KBTBD2: variants seen among roughly 807,000 people sequenced by gnomAD.
KBTBD2 encodes kelch repeat and BTB domain containing 2.
In KBTBD2, 17 loss-of-function variants were observed where a neutral mutation model predicts 57.1. The observed-to-expected ratio is 0.30, with a 90% CI of 0.20 to 0.45. KBTBD2 has a LOEUF of 0.45. Among genes scored for constraint, KBTBD2 ranks in the 20% least tolerant of loss-of-function variants. KBTBD2 has a pLI of 1.00. For synonymous variants in KBTBD2, 267 were observed against 262.7 expected (o/e 1.02, Z -0.16); for missense variants, 515 against 750.6 (o/e 0.69, Z 3.67).
intron 2 of KBTBD2, among the ~76,000 whole-genome samples, chr7:32,875,685 T>C (rs1784296075): frequency 6.6e-6 from 1 of 152,210 alleles, no homozygotes; most frequent in Non-Finnish European, 1.5e-5. Context: ...ACTTCTTATA[T>C]TCATACCATG....
At chr7:32,890,498 A>T (rs1332949037) in intron 1 of KBTBD2, among the ~76,000 whole-genome samples, 1 of 152,214 alleles carries the variant, frequency 6.6e-6, no homozygotes, top group Admixed American at 6.5e-5. Context: ...TACAACTCAG[A>T]GGGAAGAGGG....
rs1447530669 is a variant in KBTBD2 at position 32,869,687 on chromosome 7, T to C, written c.1530A>G (p.Lys510=). 3 of 1,614,124 alleles carry C rather than the reference T, an allele frequency of 1.9e-6. No homozygotes were observed. Among genetic ancestry groups the C allele is most frequent in the Non-Finnish European group, 1.7e-6 (2 of 1,180,016 alleles). The stretch of plus-strand genomic sequence containing the variant: ...TCTTAGCAGGGATGTTGGCTGCCAT[T>C]TTCCACTCATTTTTATTCACATCAT... ...EIYDVNKNEW[K]MAANIPAKRY... The change falls in exon 4 of 4, where the codon AAA becomes AAG. Residue 510 remains lysine, a synonymous_variant. Coordinates refer to ENST00000304056, the MANE Select transcript of KBTBD2 (RefSeq NM_015483.3).
At chr7:32,881,399 T>C (rs1482458349) in intron 1 of KBTBD2, among the ~76,000 whole-genome samples, 1 of 152,182 alleles carries the variant, frequency 6.6e-6, no homozygotes, top group East Asian at 1.9e-4. Context: ...AACTGCCACC[T>C]CTTTTTTCAC....
chr7:32,890,445 A>T (rs1036452418), intron 1 of KBTBD2, among the ~76,000 whole-genome samples: 9 of 152,236 alleles, frequency 5.9e-5, no homozygotes, highest in African/African-American at 2.2e-4. Flanking sequence ...ATTCACAATT[A>T]CAAGAGATCT....
chr7:32,870,456 G>A lies in KBTBD2; in HGVS notation c.761C>T (p.Pro254Leu). 6.2e-7 allele frequency: 1 copy of A among 1,613,674 alleles called. No individual in the cohort carries two copies. The highest frequency in any genetic ancestry group is 8.5e-7 in the Non-Finnish European group (1 of 1,179,878). ...VVVQGLYKSM[P>L]KFFKPRLGMT... ...CCCAAGTCTTGGTTTGAAAAACTTG[G>A]GCATGGACTTATACAGACCTTGAAC... Residue 254 changes from proline (P) to leucine (L), a missense_variant, in exon 4 of 4, where the codon CCC becomes CTC. Transcript: ENST00000304056.
chr7:32,890,722 T>C (rs1301388300), intron 1 of KBTBD2, among the ~76,000 whole-genome samples: 3 of 152,212 alleles, frequency 2.0e-5, no homozygotes, highest in Non-Finnish European at 4.4e-5. Flanking sequence ...TTAAAGTTCA[T>C]TTTGTATTTT....
chr7:32,891,836 C>A, upstream of KBTBD2: 1 of 145,394 alleles, frequency 6.9e-6, no homozygotes, highest in South Asian at 1.8e-4. Context: ...GCCCGCCCGC[C>A]CGCGCCGCCT....
chr7:32,870,497 A>G lies in KBTBD2; in HGVS notation c.720T>C (p.Asn240=). The change falls in exon 4 of 4, where the codon AAT becomes AAC. Residue 240 remains asparagine, a synonymous_variant. Transcript: ENST00000304056. The part of the protein sequence containing the change: ...QRAWFQGLPP[N]DKSVVVQGLY... ...GACCTTGAACCACCACTGACTTATCATTGGGTGGCAGACCTTGAAACCAAG... is the reference window on the plus strand; with the variant it reads ...GACCTTGAACCACCACTGACTTATCGTTGGGTGGCAGACCTTGAAACCAAG... The G allele has an allele frequency of 1.9e-6, 3 of 1,614,014 alleles. No homozygotes were observed. The highest frequency in any genetic ancestry group is 2.5e-6 in the Non-Finnish European group (3 of 1,179,960).
chr7:32,871,393 C>A (rs557655143), intron 3 of KBTBD2, among the ~76,000 whole-genome samples: 1 of 152,110 alleles, frequency 6.6e-6, no homozygotes, highest in Non-Finnish European at 1.5e-5. Flanking sequence ...CAAAGCAACA[C>A]GAAATAGACT....
intron 3 of KBTBD2, among the ~76,000 whole-genome samples, chr7:32,871,549 A>T (rs1784179754): frequency 6.6e-6 from 1 of 152,212 alleles, no homozygotes; most frequent in Non-Finnish European, 1.5e-5. Flanking sequence ...GTGATTAACT[A>T]GAAACTGTTT....
intron 1 of KBTBD2, among the ~76,000 whole-genome samples, chr7:32,884,060 C>T (rs942053446): frequency 1.1e-4 from 16 of 152,016 alleles, no homozygotes; most frequent in African/African-American, 2.7e-4. Context: ...TACTCTTTAC[C>T]GTAAGAAAAA....
intron 1 of KBTBD2, among the ~76,000 whole-genome samples, chr7:32,886,621 T>G (rs1784587806): frequency 6.6e-6 from 1 of 152,232 alleles, no homozygotes. Flanking sequence ...AATCTCCCAC[T>G]GAAACCAAGA....
At chr7:32,878,843 T>C (rs1784379910) in intron 2 of KBTBD2, among the ~76,000 whole-genome samples, 1 of 152,156 alleles carries the variant, frequency 6.6e-6, no homozygotes, top group African/African-American at 2.4e-5. Context: ...AAGTTAAGCT[T>C]TATGTATTTG....
At chr7:32,891,509 T>A (rs895006438) in intron 1 of KBTBD2, 27 bp downstream of exon 1, 1 of 150,336 alleles carries the variant, frequency 6.7e-6, no homozygotes, top group African/African-American at 2.4e-5. Context: ...GCTCCCAGCC[T>A]GCCCGGCGCT....
At chr7:32,887,875 A>C (rs1784620237) in intron 1 of KBTBD2, among the ~76,000 whole-genome samples, 1 of 152,036 alleles carries the variant, frequency 6.6e-6, no homozygotes, top group Admixed American at 6.6e-5. Context: ...TAAAAGTACA[A>C]CTCTCTTCTC....
chr7:32,871,841 G>T (rs1784185956), intron 3 of KBTBD2, among the ~76,000 whole-genome samples: 1 of 110,906 alleles, frequency 9.0e-6, no homozygotes, highest in African/African-American at 5.1e-5. Flanking sequence ...AGGCTTCCAG[G>T]GCAACACAGT....
chr7:32,881,769 G>A (rs530641666), intron 1 of KBTBD2, among the ~76,000 whole-genome samples: 2 of 152,288 alleles, frequency 1.3e-5, no homozygotes, highest in South Asian at 2.1e-4. Context: ...AATGCAGCAA[G>A]GCATAGTGTT....
At chr7:32,885,000 GTGTA>G (rs1193048637) in intron 1 of KBTBD2, among the ~76,000 whole-genome samples, 7 of 65,736 alleles carry the variant, frequency 1.1e-4, no homozygotes, top group East Asian at 6.7e-4. Flanking sequence ...ACACATATAT[GTGTA>G]TATATATATA....
intron 3 of KBTBD2, among the ~76,000 whole-genome samples, chr7:32,872,058 G>A (rs1376036268): frequency 3.9e-5 from 6 of 152,134 alleles, no homozygotes; most frequent in Non-Finnish European, 7.3e-5. Flanking sequence ...AAAATTAGCT[G>A]GATGTGCTGG....
Sources: allele counts gnomAD v4.1 joint callset (sites outside exome capture counted in the v4.1 genomes callset), GRCh38; gene constraint gnomAD v4.1.1; transcripts MANE v1.5; gene names NCBI Gene and HGNC (gene_info 2026-07-23, HGNC 2026-07-21).